Variants in LAIR1 observed in about 807,000 individuals in gnomAD.
LAIR1 encodes the protein leukocyte-associated immunoglobulin-like receptor 1.
LAIR1 carries 24 observed loss-of-function variants against 32.8 expected under a neutral mutation model. That is an observed-to-expected ratio of 0.73 (90% CI 0.53 to 1.03). The LOEUF (loss-of-function observed/expected upper bound fraction) is 1.03. Among genes scored for constraint, LAIR1 ranks in the 50% least tolerant of loss-of-function variants. LAIR1 has a pLI of 0.00. For synonymous variants in LAIR1, 150 were observed against 140.5 expected, an observed-to-expected ratio of 1.07 and a Z score of -0.48; for missense variants, 355 against 347.5, an observed-to-expected ratio of 1.02 and a Z score of -0.17.
rs1288325481 is a variant in LAIR1, at chr19:54,352,782, T to C, written c.*2486A>G. 6.5e-6 allele frequency: 1 copy of C among 152,958 alleles called. No homozygotes were observed. The highest frequency in any genetic ancestry group is 1.5e-5 in the Non-Finnish European group (1 of 68,058). The allele number at this position is 152,958 out of a possible 1,614,324, so 9.5% of individuals were successfully genotyped here. ...ATGTACCCACCTGTCAACCTCATAG[T>C]CAAACAAACAAGACGTTATGGGAGA... On this transcript the variant is annotated 3_prime_UTR_variant, in exon 10 of 10. Coordinates refer to ENST00000391742, the MANE Select transcript of LAIR1 (RefSeq NM_002287.6).
chr19:54,365,104 CA>C (rs2082210709), upstream of LAIR1: 19 of 1,252,848 alleles, frequency 1.5e-5, no homozygotes, highest in Admixed American at 3.2e-4. Context: ...ATCTATGGGA[CA>C]AGGCAGAATA....
At position 54,356,182 on chromosome 19, in the gene LAIR1, A is replaced by G. The variant is rs772011219; in HGVS notation, c.664+48T>C. ...CCACATTGCATCTGGATTGGCACCA[A>G]GTCCCCACTTCCCCATCCCAGGCCT... On this transcript the variant is annotated intron_variant, in intron 8 of 9. Coordinates refer to ENST00000391742, the MANE Select transcript of LAIR1 (RefSeq NM_002287.6). 3 of 1,558,526 alleles carry G rather than the reference A, an allele frequency of 1.9e-6. No individual in the cohort carries two copies. The Admixed American group carries it at 5.2e-5, about 27-fold the overall frequency.
In LAIR1 at chr19:54,355,911, C is replaced by A; in HGVS notation, c.717+43G>T. 7.4e-7 allele frequency: 1 copy of A among 1,346,534 alleles called. No individual in the cohort carries two copies. Among genetic ancestry groups the A allele is most frequent in the Non-Finnish European group, 1.1e-6 (1 of 935,274 alleles). 83.4% of individuals were successfully genotyped at this position (1,346,534 alleles called of 1,614,324 possible). ...CCCAAGGAACTGAGATTTTTTTAAG[C>A]TGCTAAATTTGGGGTACTTTAATAA... On this transcript the variant is annotated intron_variant, in intron 9 of 9. Coordinates refer to ENST00000391742, the MANE Select transcript of LAIR1 (RefSeq NM_002287.6). The surrounding 1 kb of genome is among the most constrained non-coding windows in gnomAD (Gnocchi z 4.7).
At chr19:54,368,770 T>A (rs2082331268), upstream of LAIR1, 1 of 152,068 alleles carries the variant, frequency 6.6e-6, no homozygotes, top group Non-Finnish European at 1.5e-5. Context: ...AATGGTGCAA[T>A]CTTGGCTCCC....
chr19:54,358,084 A>G (rs1263042205), intron 4 of LAIR1: 2 of 145,982 alleles, frequency 1.4e-5, no homozygotes, highest in African/African-American at 5.0e-5. Flanking sequence ...TTAATTGTAT[A>G]TGATTTATAA....
In LAIR1 at chr19:54,360,744, T is replaced by C. The variant is rs386810897; in HGVS notation, c.364+172A>G. ...CCAGGGCTCCAGGAACCTAAGCAGG[T>C]GTGAGGGCAGAGGGGAGGTGTGTGC... On this transcript the variant is annotated intron_variant, in intron 3 of 9. Transcript: ENST00000391742. The C allele has an allele frequency of 3.8e-3, 2,187 of 570,112 alleles. 41 individuals are homozygous for C. In the African/African-American group the frequency reaches 0.048, roughly 12 times the overall value. 35.3% of individuals were successfully genotyped at this position (570,112 alleles called of 1,614,324 possible).
In LAIR1 at chr19:54,351,916, G is replaced by A. The variant is rs960103588; in HGVS notation, c.*3352C>T. ...AAAAAAAAAGTCCACCCTATAGTTTGTATAACAAACATTCTCACTTGTTCA... is the reference window on the plus strand; with the variant it reads ...AAAAAAAAAGTCCACCCTATAGTTTATATAACAAACATTCTCACTTGTTCA... On this transcript the variant is annotated 3_prime_UTR_variant, in exon 10 of 10. Transcript: ENST00000391742. 1 of 152,046 alleles carries A rather than the reference G, an allele frequency of 6.6e-6. No individual in the cohort carries two copies. Among genetic ancestry groups the A allele is most frequent in the Non-Finnish European group, 1.5e-5 (1 of 68,004 alleles). 9.4% of individuals were successfully genotyped at this position (152,046 alleles called of 1,614,324 possible).
upstream of LAIR1, among the ~76,000 whole-genome samples, chr19:54,371,740 T>G (rs2082410624): frequency 1.3e-5 from 2 of 151,630 alleles, no homozygotes; most frequent in African/African-American, 4.9e-5. Context: ...ACCCAAATAT[T>G]TAGCTTCTTC....
upstream of LAIR1, among the ~76,000 whole-genome samples, chr19:54,371,769 C>T (rs901550439): frequency 4.6e-5 from 7 of 151,538 alleles, no homozygotes; most frequent in Admixed American, 2.0e-4. Flanking sequence ...TTCATTTGTT[C>T]CTGCGTTTCT....
At chr19:54,360,448 G>A (rs1323926455) in intron 3 of LAIR1, among the ~76,000 whole-genome samples, 2 of 151,440 alleles carry the variant, frequency 1.3e-5, no homozygotes, top group Admixed American at 6.6e-5. Context: ...GCACTGTCCC[G>A]CCCTGGTCAG....
In LAIR1 at chr19:54,358,815, C is replaced by T. The variant is rs1601289191; in HGVS notation, c.415+1207G>A. On this transcript the variant is annotated intron_variant, in intron 4 of 9. Transcript: ENST00000391742. ...GACACAGGAGGTTTGGGTGAGTCAC[C>T]GTCAGGCATAGAGCCAGGAGGTGGC... Among the ~76,000 whole-genome samples, 4 of 151,396 alleles carry T rather than the reference C, an allele frequency of 2.6e-5. No homozygotes were observed. The South Asian group carries it at 8.3e-4, about 31-fold the overall frequency.
intron 3 of LAIR1, chr19:54,360,626 G>C: frequency 1.9e-6 from 1 of 513,786 alleles, no homozygotes; most frequent in Non-Finnish European, 3.5e-6. Flanking sequence ...TAATCTCTGG[G>C]AACCCACTCC....
intron 5 of LAIR1, 35 bp downstream of exon 5, chr19:54,356,893 C>G: frequency 1.2e-6 from 2 of 1,613,106 alleles, no homozygotes; most frequent in South Asian, 2.2e-5. Flanking sequence ...AAGAGGCACA[C>G]ACCAGCTTCA....
chr19:54,370,752 T>A (rs1213898273), upstream of LAIR1, among the ~76,000 whole-genome samples: 7 of 151,348 alleles, frequency 4.6e-5, no homozygotes, highest in African/African-American at 1.7e-4. Flanking sequence ...TTACTTTTTT[T>A]TTTTTATTTT....
chr19:54,365,758 G>A (rs1367605138), upstream of LAIR1, among the ~76,000 whole-genome samples: 1 of 151,272 alleles, frequency 6.6e-6, no homozygotes, highest in African/African-American at 2.4e-5. Context: ...CTCCAGCCTG[G>A]GCAACAACAG....
rs2122576721 is a variant in LAIR1, at chr19:54,364,615, A to T, written c.34+156T>A. The T allele has an allele frequency of 1.2e-6, 1 of 858,840 alleles. No homozygotes were observed. Among genetic ancestry groups the T allele is most frequent in the Middle Eastern group, 2.3e-4 (1 of 4,330 alleles). 53.2% of individuals were successfully genotyped at this position (858,840 alleles called of 1,614,324 possible). A position where few individuals can be genotyped will look rare whatever the true frequency, so the allele number is the denominator to read the frequency against. ...TGTTTTTAGGACAAGATCTTCTCTGATCAGACTTAGGCCCCAGGGAGAGCA... is the reference window on the plus strand; with the variant it reads ...TGTTTTTAGGACAAGATCTTCTCTGTTCAGACTTAGGCCCCAGGGAGAGCA... On this transcript the variant is annotated intron_variant, in intron 1 of 9. Coordinates refer to ENST00000391742, the MANE Select transcript of LAIR1 (RefSeq NM_002287.6). The surrounding 1 kb of genome is among the most constrained non-coding windows in gnomAD (Gnocchi z 4.8).
rs763391018 is a variant in LAIR1, at chr19:54,360,981, C to T, written c.299G>A (p.Arg100His). 16 of 1,614,086 alleles carry T rather than the reference C, an allele frequency of 9.9e-6. No homozygotes were observed. The highest frequency in any genetic ancestry group is 3.3e-5 in the South Asian group (3 of 91,088). Reference protein sequence around the residue: ...SVREGNAGLYRCIYYKPPKWS... With the variant: ...SVREGNAGLYHCIYYKPPKWS... Reference sequence around the variant, plus strand: ...TTTAGGGGGCTTATAATAGATGCAGCGATAAAGCCCGGCATTTCCTTCTCT... The same window carrying T: ...TTTAGGGGGCTTATAATAGATGCAGTGATAAAGCCCGGCATTTCCTTCTCT... Residue 100 changes from arginine (R) to histidine (H), a missense_variant, in exon 3 of 10, where the codon CGC becomes CAC. By Grantham distance (29) the Arg-to-His change is conservative. Transcript: ENST00000391742.
rs1206610532 is a variant in LAIR1, at chr19:54,353,568, G to A, written c.*1700C>T. ...GCCGACCTTGGACAGGTTACTTCAT[G>A]TCTCGGTCCATAGTTTCTGTTTTTA... On this transcript the variant is annotated 3_prime_UTR_variant, in exon 10 of 10. Transcript: ENST00000391742. The A allele has an allele frequency of 6.6e-6, 1 of 152,002 alleles. No homozygotes were observed. Among genetic ancestry groups the A allele is most frequent in the Non-Finnish European group, 1.5e-5 (1 of 68,016 alleles). The allele number at this position is 152,002 out of a possible 1,614,324, so 9.4% of individuals were successfully genotyped here.
Position 54,355,553 on chromosome 19 carries a change from C to T in LAIR1, c.718-139G>A, listed in dbSNP as rs2081656744. The T allele has an allele frequency of 1.4e-6, 1 of 711,324 alleles. No homozygotes were observed. The highest frequency in any genetic ancestry group is 2.8e-5 in the East Asian group (1 of 35,568). 44.1% of individuals were successfully genotyped at this position (711,324 alleles called of 1,614,324 possible). On this transcript the variant is annotated intron_variant, in intron 9 of 9. Transcript: ENST00000391742. This position sits in a 1 kb window ranked among gnomAD's most constrained non-coding sequence, Gnocchi z 4.7. Reference sequence around the variant, plus strand: ...ATTGCATCCGTGTGAAGAGCCCTCCCACAGGGTATTGGGGTTGGTTTACGT... The same window carrying T: ...ATTGCATCCGTGTGAAGAGCCCTCCTACAGGGTATTGGGGTTGGTTTACGT...
Sources: gnomAD v4.1 joint callset for allele counts (sites outside exome capture counted in the v4.1 genomes callset) on GRCh38, gnomAD v4.1.1 for gene constraint, Gnocchi (gnomAD v3.1) non-coding constraint, MANE v1.5 for transcripts, NCBI Gene and HGNC (gene_info 2026-07-23, HGNC 2026-07-21) for gene names.